The following RABEP2 variants were observed in gnomAD, a reference collection of about 807,000 sequenced individuals.
RABEP2 encodes the protein rab GTPase-binding effector protein 2.
In RABEP2, 57 loss-of-function variants were observed where a neutral mutation model predicts 74.1. The observed-to-expected ratio is 0.77, with a 90% CI of 0.62 to 0.96. RABEP2 has a LOEUF of 0.96. Ranked by LOEUF, RABEP2 falls within the 40% of genes least tolerant of loss-of-function variation. The probability of loss-of-function intolerance (pLI) is 0.00; values close to 1 mark genes in which losing one functional copy is unlikely to be tolerated. For synonymous variants in RABEP2, 351 were observed against 344.0 expected (o/e 1.02, Z -0.23); for missense variants, 692 against 756.3 (o/e 0.91, Z 1.00).
Position 28,904,737 on chromosome 16 carries a change from A to T in RABEP2, c.*206T>A. The T allele has an allele frequency of 1.6e-6, 1 of 639,232 alleles. No individual in the cohort carries two copies. The highest frequency in any genetic ancestry group is 2.6e-6 in the Non-Finnish European group (1 of 378,260). The allele number at this position is 639,232 out of a possible 1,614,324, so 39.6% of individuals were successfully genotyped here. ...GTTCCGGGAGGGGCTTGGGCCCCTC[A>T]CCCAGGTGTGATCCCTGAGAACAGG... On this transcript the variant is annotated 3_prime_UTR_variant, in exon 13 of 13. Coordinates refer to ENST00000358201, the MANE Select transcript of RABEP2 (RefSeq NM_024816.3).
chr16:28,909,983 C>A (rs1211090852), intron 7 of RABEP2, among the ~76,000 whole-genome samples: 2 of 136,436 alleles, frequency 1.5e-5, no homozygotes. Flanking sequence ...GAGCCGAGAT[C>A]GTGCCACTGC....
intron 1 of RABEP2, 22 bp from the exon 2 acceptor site, chr16:28,924,637 C>G (rs377624940): frequency 1.9e-6 from 3 of 1,598,712 alleles, no homozygotes; most frequent in East Asian, 4.5e-5. Flanking sequence ...AGGGATCAGC[C>G]TCTCTTCCCA....
intron 3 of RABEP2, among the ~76,000 whole-genome samples, chr16:28,919,033 A>T (rs1964432736): frequency 6.6e-6 from 1 of 152,138 alleles, no homozygotes; most frequent in Admixed American, 6.6e-5. Flanking sequence ...TAAACAGGGG[A>T]AGTACTGAAT....
At chr16:28,916,673 CAAAA>C (rs74392921) in intron 3 of RABEP2, among the ~76,000 whole-genome samples, 5 of 48,672 alleles carry the variant, frequency 1.0e-4, no homozygotes, top group Admixed American at 2.4e-4. Flanking sequence ...CTCTTGTCTC[CAAAA>C]AAAAAAAAAA....
chr16:28,904,541 G>A lies in RABEP2; in HGVS notation c.*402C>T, dbSNP rs2152216792. The A allele has an allele frequency of 1.4e-6, 2 of 1,440,090 alleles. No individual in the cohort carries two copies. Among genetic ancestry groups the A allele is most frequent in the East Asian group, 6.2e-5 (2 of 32,366 alleles). 89.2% of individuals were successfully genotyped at this position (1,440,090 alleles called of 1,614,324 possible). ...CGTCTTAGTGTCATGCAGACCAGAA[G>A]GCAGCTGCCTGTCCCAGGGCCGGGG... On this transcript the variant is annotated 3_prime_UTR_variant, in exon 13 of 13. Transcript: ENST00000358201.
At chr16:28,911,982 C>T (rs1409448676) in intron 5 of RABEP2, among the ~76,000 whole-genome samples, 1 of 151,178 alleles carries the variant, frequency 6.6e-6, no homozygotes, top group East Asian at 1.9e-4. Context: ...CATGGTGGCT[C>T]GCACCTGTAA....
chr16:28,924,169 A>G, intron 2 of RABEP2: 1 of 564,726 alleles, frequency 1.8e-6, no homozygotes. Flanking sequence ...GGACAAGGCA[A>G]CAGATAGAAG....
Position 28,908,597 on chromosome 16 carries a change from C to A in RABEP2, c.1245+12G>T, listed in dbSNP as rs200874140. On this transcript the variant is annotated intron_variant, in intron 8 of 12. Transcript: ENST00000358201. Reference sequence around the variant, plus strand: ...GGTGGCTCCAGGCTCTCAGTGCCCACACTCAGCTTACTGGCACAGAGCTGG... The same window carrying A: ...GGTGGCTCCAGGCTCTCAGTGCCCAAACTCAGCTTACTGGCACAGAGCTGG... 6.2e-7 allele frequency: 1 copy of A among 1,601,098 alleles called. No homozygotes were observed. The highest frequency in any genetic ancestry group is 1.1e-5 in the South Asian group (1 of 89,800).
chr16:28,914,564 G>T lies in RABEP2; in HGVS notation c.566C>A (p.Ser189Tyr). 2 of 1,610,462 alleles carry T rather than the reference G, an allele frequency of 1.2e-6. No homozygotes were observed. The highest frequency in any genetic ancestry group is 1.7e-6 in the Non-Finnish European group (2 of 1,177,900). ...CAGCAACTCCGTGGAGCCGTGCAGG[G>T]AAGGGGCATGCCGGGGACGTCTCTA... ...EIQRRPRHAP[S>Y]LHGSTELLPL... is the part of the protein sequence containing the mutation. The change falls in exon 5 of 13, where the codon TCC (serine) becomes TAC (tyrosine). Residue 189 changes from serine (S) to tyrosine (Y), a missense_variant. Physicochemically the swap from Ser to Tyr is moderately radical, Grantham distance 144. Transcript: ENST00000358201.
At chr16:28,913,622 C>T (rs933367085) in intron 5 of RABEP2, among the ~76,000 whole-genome samples, 22 of 152,036 alleles carry the variant, frequency 1.4e-4, no homozygotes, top group Admixed American at 2.6e-4. Context: ...GCTGGGATTA[C>T]GGGCATGCGC....
At chr16:28,912,872 G>A (rs555687277) in intron 5 of RABEP2, among the ~76,000 whole-genome samples, 61 of 152,146 alleles carry the variant, frequency 4.0e-4, no homozygotes, top group African/African-American at 1.3e-3. Context: ...TCTCCTCCCC[G>A]GTGGCCTTCC....
chr16:28,920,023 T>A (rs968754792), intron 2 of RABEP2, 80 bp from the exon 3 acceptor site: 1 of 1,409,048 alleles, frequency 7.1e-7, no homozygotes, highest in Non-Finnish European at 9.4e-7. Flanking sequence ...GGACTCTTGA[T>A]GCACTGACTC....
intron 3 of RABEP2, 135 bp downstream of exon 3, chr16:28,919,650 CA>C: frequency 2.8e-6 from 3 of 1,066,576 alleles, no homozygotes; most frequent in Non-Finnish European, 4.0e-6. Flanking sequence ...AAGCTCTCAA[CA>C]ACACCTGGTA....
In RABEP2 at chr16:28,911,049, G is replaced by A. The variant is rs201680187; in HGVS notation, c.990+35C>T. 39 of 1,513,430 alleles carry A rather than the reference G, an allele frequency of 2.6e-5. No individual in the cohort carries two copies. In the African/African-American group the frequency reaches 4.6e-4, roughly 18 times the overall value. The allele number at this position is 1,513,430 out of a possible 1,614,324, so 93.8% of individuals were successfully genotyped here. A position where few individuals can be genotyped will look rare whatever the true frequency, so the allele number is the denominator to read the frequency against. ...TGTCAGGGGGCGGCAGGTAGCCAGA[G>A]GCCGGCTGGGGCTGCAGCAGCGGCA... On this transcript the variant is annotated intron_variant, in intron 6 of 12. Coordinates refer to ENST00000358201, the MANE Select transcript of RABEP2 (RefSeq NM_024816.3).
At position 28,914,715 on chromosome 16, in the gene RABEP2, T is replaced by C. The variant is rs1180826592; in HGVS notation, c.500A>G (p.Lys167Arg). ...CTCCTCGGCCCTCAGCAGCTTCGCCTTCAGCTCCTCGATCTCCTTTTCCAT... is the reference window on the plus strand; with the variant it reads ...CTCCTCGGCCCTCAGCAGCTTCGCCCTCAGCTCCTCGATCTCCTTTTCCAT... ...LPMEKEIEEL[K>R]AKLLRAEELI... Residue 167 changes from lysine (K) to arginine (R), a missense_variant, in exon 4 of 13, where the codon AAG (lysine) becomes AGG (arginine). Transcript: ENST00000358201. 6.2e-7 allele frequency: 1 copy of C among 1,614,148 alleles called. No individual in the cohort carries two copies. The highest frequency in any genetic ancestry group is 1.1e-5 in the South Asian group (1 of 91,084).
intron 2 of RABEP2, among the ~76,000 whole-genome samples, chr16:28,921,688 G>A (rs1280839048): frequency 2.0e-5 from 3 of 148,164 alleles, no homozygotes; most frequent in Non-Finnish European, 3.0e-5. Context: ...AGTCAGGTTC[G>A]GGCGCTGTGG....
chr16:28,918,522 G>A (rs1964426119), intron 3 of RABEP2, among the ~76,000 whole-genome samples: 5 of 151,928 alleles, frequency 3.3e-5, no homozygotes, highest in Admixed American at 3.3e-4. Context: ...GGCTGAGGCA[G>A]GAGAATCACT....
intron 2 of RABEP2, among the ~76,000 whole-genome samples, chr16:28,922,666 A>G (rs1410443636): frequency 6.6e-6 from 1 of 152,062 alleles, no homozygotes; most frequent in Non-Finnish European, 1.5e-5. Flanking sequence ...TGGAGCTTGC[A>G]GTAAGCCAAG....
chr16:28,917,422 T>C (rs1964408997), intron 3 of RABEP2, among the ~76,000 whole-genome samples: 1 of 149,800 alleles, frequency 6.7e-6, no homozygotes, highest in Non-Finnish European at 1.5e-5. Flanking sequence ...ATCCTCCAAA[T>C]CTCTTTTTCT....
Sources: gnomAD v4.1 joint callset for allele counts (sites outside exome capture counted in the v4.1 genomes callset) on GRCh38, gnomAD v4.1.1 for gene constraint, MANE v1.5 for transcripts, NCBI Gene and HGNC (gene_info 2026-07-23, HGNC 2026-07-21) for gene names.